PARP8: variants seen among roughly 807,000 people sequenced by gnomAD.
The protein encoded by PARP8 is protein mono-ADP-ribosyltransferase PARP8.
In PARP8, 51 loss-of-function variants were observed where a neutral mutation model predicts 124.1. The ratio of observed to expected loss-of-function variants is 0.41; its 90% CI spans 0.33 to 0.52. The LOEUF (loss-of-function observed/expected upper bound fraction) is 0.52. PARP8 is among the 20% of genes least tolerant of loss of function. The probability of loss-of-function intolerance (pLI) is 0.21; values close to 1 mark genes in which losing one functional copy is unlikely to be tolerated. For synonymous variants in PARP8, 391 were observed against 361.5 expected, an observed-to-expected ratio of 1.08 and a Z score of -0.93; for missense variants, 860 against 1,018.9, an observed-to-expected ratio of 0.84 and a Z score of 2.12.
intron 2 of PARP8, among the ~76,000 whole-genome samples, chr5:50,708,857 C>T (rs1754431426): frequency 1.3e-5 from 2 of 151,978 alleles, no homozygotes; most frequent in South Asian, 4.2e-4. Flanking sequence ...TCATAGCTCA[C>T]TGCAGCTTCA....
rs759950121 is a variant in PARP8 at position 50,763,231 on chromosome 5, A to T, written c.507A>T (p.Ala169=). 1.9e-6 allele frequency: 3 copies of T among 1,606,116 alleles called. No homozygotes were observed. Among genetic ancestry groups the T allele is most frequent in the Admixed American group, 1.7e-5 (1 of 60,012 alleles). The change falls in exon 7 of 26, where the codon GCA becomes GCT. Residue 169 remains alanine, a synonymous_variant. Transcript: ENST00000281631. ...TTAGAGAGATATATGGGCCACATGC[A>T]GTTTCTCTCAGGTAAATAAGTATCA... ...SAVREIYGPH[A]VSLREYGAID... is the part of the protein sequence containing the mutation.
intron 2 of PARP8, chr5:50,741,728 C>T (rs979316551): frequency 1.2e-5 from 4 of 325,820 alleles, no homozygotes; most frequent in African/African-American, 9.1e-5. Context: ...GTTTGTTGGG[C>T]AAGAGTCTTC....
intron 2 of PARP8, among the ~76,000 whole-genome samples, chr5:50,727,351 T>G (rs1191813557): frequency 1.3e-5 from 2 of 152,138 alleles, no homozygotes; most frequent in Non-Finnish European, 2.9e-5. Context: ...CTGCTCCCAC[T>G]TCCCACCCGG....
intron 2 of PARP8, among the ~76,000 whole-genome samples, chr5:50,747,803 C>T (rs186840999): frequency 2.6e-5 from 3 of 113,490 alleles, no homozygotes; most frequent in South Asian, 3.0e-4. Flanking sequence ...GACGGAGTCT[C>T]GCTCTGTCGC....
At chr5:50,741,969 T>G in intron 2 of PARP8, 1 of 369,244 alleles carries the variant, frequency 2.7e-6, no homozygotes. Flanking sequence ...CAACCACGCC[T>G]GGCTAATTTT....
intron 3 of PARP8, among the ~76,000 whole-genome samples, chr5:50,756,378 T>G (rs939216638): frequency 2.0e-5 from 3 of 152,116 alleles, no homozygotes; most frequent in African/African-American, 7.2e-5. Flanking sequence ...TTACTTTAAG[T>G]CCTTTCTTTA....
intron 10 of PARP8, among the ~76,000 whole-genome samples, chr5:50,792,810 G>A (rs1169747679): frequency 1.3e-5 from 2 of 151,956 alleles, no homozygotes; most frequent in African/African-American, 4.8e-5. Context: ...TGCTAAAAGG[G>A]CCCCAAAATA....
intron 2 of PARP8, among the ~76,000 whole-genome samples, chr5:50,674,844 C>T (rs2149436656): frequency 6.6e-6 from 1 of 152,306 alleles, no homozygotes; most frequent in South Asian, 2.1e-4. Flanking sequence ...AATGACATCT[C>T]TGTTCATTAG....
chr5:50,787,887 ATATATATGTTAGTATATATG>A (rs1283865712), intron 9 of PARP8, among the ~76,000 whole-genome samples: 6 of 150,398 alleles, frequency 4.0e-5, no homozygotes, highest in Non-Finnish European at 8.9e-5. Context: ...CGATTTAAAC[ATATATATGTTAGTATATATG>A]TATATATGTT....
intron 25 of PARP8, among the ~76,000 whole-genome samples, chr5:50,835,499 C>T (rs371992888): frequency 3.9e-5 from 6 of 152,046 alleles, no homozygotes. Flanking sequence ...AAGATAGCAC[C>T]ACTTACTCCA....
intron 3 of PARP8, among the ~76,000 whole-genome samples, chr5:50,754,331 C>A (rs967605451): frequency 6.6e-6 from 1 of 151,574 alleles, no homozygotes; most frequent in Non-Finnish European, 1.5e-5. Context: ...ATCCCTCCCC[C>A]CAGCCTCCCA....
chr5:50,826,903 G>A (rs1746417626), intron 19 of PARP8, 100 bp downstream of exon 19: 2 of 1,466,838 alleles, frequency 1.4e-6, no homozygotes, highest in Non-Finnish European at 1.8e-6. Flanking sequence ...GACTCTCCAA[G>A]AATTGAAGTA....
At chr5:50,696,447 T>A (rs1753033367) in intron 2 of PARP8, among the ~76,000 whole-genome samples, 1 of 152,142 alleles carries the variant, frequency 6.6e-6, no homozygotes, top group Non-Finnish European at 1.5e-5. Context: ...CAGAAGCCCA[T>A]AATCTTTGTT....
At chr5:50,667,928 C>T in intron 1 of PARP8, 143 bp from the exon 2 acceptor site, 7 of 1,538,456 alleles carry the variant, frequency 4.6e-6, no homozygotes, top group Non-Finnish European at 3.5e-6. Flanking sequence ...GGACGCGGCG[C>T]AGAGGGACCT....
At chr5:50,747,086 C>G (rs568913538) in intron 2 of PARP8, among the ~76,000 whole-genome samples, 1 of 149,508 alleles carries the variant, frequency 6.7e-6, no homozygotes, top group East Asian at 2.0e-4. Flanking sequence ...ATGTATCAAA[C>G]TTGGTCTGTT....
intron 3 of PARP8, among the ~76,000 whole-genome samples, chr5:50,750,888 C>A (rs1435404733): frequency 6.6e-6 from 1 of 150,526 alleles, no homozygotes; most frequent in Non-Finnish European, 1.5e-5. Flanking sequence ...AGAAATTTTA[C>A]TGGAAGAACC....
At chr5:50,824,268 G>C (rs1746092281) in intron 17 of PARP8, among the ~76,000 whole-genome samples, 1 of 152,142 alleles carries the variant, frequency 6.6e-6, no homozygotes, top group African/African-American at 2.4e-5. Context: ...TGGTTAAAAT[G>C]GTCATTGTGA....
intron 2 of PARP8, among the ~76,000 whole-genome samples, chr5:50,737,843 A>G (rs553077623): frequency 6.6e-6 from 1 of 152,218 alleles, no homozygotes; most frequent in East Asian, 1.9e-4. Flanking sequence ...TTAGTTACAT[A>G]TTCATTGGCT....
At chr5:50,695,525 T>A (rs1247706418) in intron 2 of PARP8, among the ~76,000 whole-genome samples, 1 of 152,214 alleles carries the variant, frequency 6.6e-6, no homozygotes, top group Non-Finnish European at 1.5e-5. Context: ...TAATGATTAT[T>A]GTCAATAAAA....
Sources: allele counts gnomAD v4.1 joint callset (sites outside exome capture counted in the v4.1 genomes callset), GRCh38; gene constraint gnomAD v4.1.1; transcripts MANE v1.5; gene names NCBI Gene and HGNC (gene_info 2026-07-23, HGNC 2026-07-21).